CDH12: variants seen among roughly 807,000 people sequenced by gnomAD.
CDH12 encodes the protein cadherin 12.
A neutral mutation model predicts 74.1 loss-of-function variants in CDH12; 41 were observed. The observed-to-expected ratio is 0.55, with a 90% confidence interval of 0.43 to 0.72. The LOEUF (loss-of-function observed/expected upper bound fraction) is 0.72, where lower values mean the gene tolerates loss of function less well. Among genes scored for constraint, CDH12 ranks in the 30% least tolerant of loss-of-function variants. CDH12 has a pLI of 0.00. For synonymous variants in CDH12, 399 were observed against 355.0 expected, an observed-to-expected ratio of 1.12 and a Z score of -1.39; for missense variants, 945 against 977.2, an observed-to-expected ratio of 0.97 and a Z score of 0.44.
intron 3 of CDH12, among the ~76,000 whole-genome samples, chr5:22,217,462 AAT>A (rs2150366799): frequency 6.6e-6 from 1 of 151,884 alleles, no homozygotes; most frequent in South Asian, 2.1e-4. Flanking sequence ...ATTATTTTAA[AAT>A]AACAAAAAAG....
At chr5:22,013,374 C>T (rs183504083) in intron 5 of CDH12, among the ~76,000 whole-genome samples, 1 of 152,178 alleles carries the variant, frequency 6.6e-6, no homozygotes, top group Non-Finnish European at 1.5e-5. Flanking sequence ...CACCAGGTCC[C>T]TCCCTTGCTA....
intron 1 of CDH12, among the ~76,000 whole-genome samples, chr5:22,622,692 C>CA (rs947612297): frequency 2.0e-5 from 3 of 151,982 alleles, no homozygotes; most frequent in African/African-American, 7.3e-5. Context: ...AGCCTACCAC[C>CA]AAAAAAAGTC....
At chr5:22,331,684 T>C (rs1402350412) in intron 3 of CDH12, among the ~76,000 whole-genome samples, 6 of 152,140 alleles carry the variant, frequency 3.9e-5, no homozygotes. Context: ...GACCAAATAC[T>C]GGAGAAACAG....
intron 6 of CDH12, among the ~76,000 whole-genome samples, chr5:21,870,175 A>G (rs1225070919): frequency 6.6e-6 from 1 of 152,182 alleles, no homozygotes; most frequent in Non-Finnish European, 1.5e-5. Flanking sequence ...TGAAACTGTA[A>G]GTTCAATTAA....
chr5:22,505,581 T>TG (rs1210078680), intron 1 of CDH12, among the ~76,000 whole-genome samples: 1 of 152,116 alleles, frequency 6.6e-6, no homozygotes, highest in Non-Finnish European at 1.5e-5. Flanking sequence ...ATGCTGCTTT[T>TG]GATACATTGT....
intron 3 of CDH12, among the ~76,000 whole-genome samples, chr5:22,314,357 TG>T (rs1467849018): frequency 1.3e-5 from 2 of 152,134 alleles, no homozygotes; most frequent in African/African-American, 2.4e-5. Flanking sequence ...CAGTTAAAAA[TG>T]GGGCTTTTAG....
chr5:22,241,950 G>A (rs1752765728), intron 3 of CDH12, among the ~76,000 whole-genome samples: 1 of 152,006 alleles, frequency 6.6e-6, no homozygotes, highest in Admixed American at 6.6e-5. Flanking sequence ...TATATGGAAA[G>A]GTTTGACTAT....
intron 8 of CDH12, among the ~76,000 whole-genome samples, chr5:21,818,581 C>A (rs1393130932): frequency 6.6e-6 from 1 of 151,722 alleles, no homozygotes; most frequent in African/African-American, 2.4e-5. Context: ...GCAGATCAGC[C>A]GTATTTAAAT....
intron 4 of CDH12, among the ~76,000 whole-genome samples, chr5:22,162,920 A>G (rs1334750692): frequency 1.5e-5 from 2 of 129,774 alleles, no homozygotes; most frequent in African/African-American, 5.9e-5. Context: ...TTTTTGAGAC[A>G]GAGTCTCGCT....
rs192079843 is a variant in CDH12, at chr5:22,808,672, C to T, written c.-523+44386G>A. On this transcript the variant is annotated intron_variant, in intron 1 of 14. Coordinates refer to ENST00000382254, the MANE Select transcript of CDH12 (RefSeq NM_004061.5). ...CCAGTCTGGAGTGCAGTGGTGCGAT[C>T]TCAGCTCACTGCAACTTCTGCTCCC... is the stretch of plus-strand genomic sequence containing the variant. Among the ~76,000 whole-genome samples, 176 of 127,628 alleles carry T rather than the reference C, an allele frequency of 1.4e-3. 1 individual carries two copies. Among genetic ancestry groups the T allele is most frequent in the African/African-American group, 5.0e-3 (166 of 32,898 alleles). 83.7% of individuals were successfully genotyped at this position (127,628 alleles called of 152,430 possible). A position where few individuals can be genotyped will look rare whatever the true frequency, so the allele number is the denominator to read the frequency against.
intron 13 of CDH12, among the ~76,000 whole-genome samples, chr5:21,760,194 G>A (rs1394145538): frequency 6.6e-6 from 1 of 152,024 alleles, no homozygotes; most frequent in Non-Finnish European, 1.5e-5. Flanking sequence ...AACCTGTGCT[G>A]TACGGTGTGT....
chr5:22,265,578 C>T (rs933893802), intron 3 of CDH12, among the ~76,000 whole-genome samples: 1 of 152,052 alleles, frequency 6.6e-6, no homozygotes, highest in African/African-American at 2.4e-5. Flanking sequence ...TAACAATAAT[C>T]AATATATTCA....
At chr5:22,411,157 C>A (rs1473822701) in intron 2 of CDH12, among the ~76,000 whole-genome samples, 1 of 151,474 alleles carries the variant, frequency 6.6e-6, no homozygotes, top group East Asian at 1.9e-4. Context: ...AAGGAAAAAT[C>A]AAAATAATGA....
chr5:22,144,445 G>A (rs1341257981), intron 4 of CDH12, among the ~76,000 whole-genome samples: 2 of 152,034 alleles, frequency 1.3e-5, no homozygotes, highest in African/African-American at 4.8e-5. Context: ...TTACAATTTT[G>A]TCTTCAAGTG....
At chr5:22,849,202 A>G (rs1737440654) in intron 1 of CDH12, among the ~76,000 whole-genome samples, 1 of 152,164 alleles carries the variant, frequency 6.6e-6, no homozygotes, top group African/African-American at 2.4e-5. Flanking sequence ...AATTCAAATT[A>G]AATTAACAGA....
chr5:21,775,721 AT>A (rs1043033534), intron 11 of CDH12, among the ~76,000 whole-genome samples: 9 of 151,732 alleles, frequency 5.9e-5, no homozygotes, highest in East Asian at 3.9e-4. Context: ...CTTCAAAGTA[AT>A]TTTTTTTAAA....
At chr5:22,563,063 T>G (rs1045205977) in intron 1 of CDH12, among the ~76,000 whole-genome samples, 38 of 147,374 alleles carry the variant, frequency 2.6e-4, no homozygotes, top group Non-Finnish European at 3.3e-4. Context: ...TAAATATATA[T>G]AGATTTATAT....
intron 6 of CDH12, among the ~76,000 whole-genome samples, chr5:21,944,862 C>G (rs1755498300): frequency 6.6e-6 from 1 of 152,036 alleles, no homozygotes; most frequent in Non-Finnish European, 1.5e-5. Context: ...AAACTTCCAC[C>G]TAACCAGTCT....
intron 3 of CDH12, among the ~76,000 whole-genome samples, chr5:22,299,455 C>T (rs750351348): frequency 6.6e-6 from 1 of 152,130 alleles, no homozygotes; most frequent in Non-Finnish European, 1.5e-5. Context: ...TAAAATTATA[C>T]TGCAAAATAA....
Sources: allele counts gnomAD v4.1 joint callset (sites outside exome capture counted in the v4.1 genomes callset), GRCh38; gene constraint gnomAD v4.1.1; transcripts MANE v1.5; gene names NCBI Gene and HGNC (gene_info 2026-07-23, HGNC 2026-07-21).